The following EXOC4 variants were observed in gnomAD, a reference collection of about 807,000 sequenced individuals.
EXOC4 encodes SEC8-like 1.
EXOC4 carries 71 observed loss-of-function variants against 107.2 expected under a neutral mutation model. That is an observed-to-expected ratio of 0.66 (90% CI 0.55 to 0.81). The LOEUF (loss-of-function observed/expected upper bound fraction) is 0.81. Among genes scored for constraint, EXOC4 ranks in the 30% least tolerant of loss-of-function variants. The pLI is 0.00. For synonymous variants in EXOC4, 456 were observed against 441.2 expected (o/e 1.03, Z -0.42); for missense variants, 1,108 against 1,189.6 (o/e 0.93, Z 1.01).
At chr7:133,417,911 T>C (rs935899254) in intron 7 of EXOC4, among the ~76,000 whole-genome samples, 3 of 152,202 alleles carry the variant, frequency 2.0e-5, no homozygotes, top group African/African-American at 7.2e-5. Flanking sequence ...TTTTAACCCT[T>C]GGCATCAATC....
At chr7:133,857,482 A>AT (rs1333358851) in intron 11 of EXOC4, among the ~76,000 whole-genome samples, 1 of 74,228 alleles carries the variant, frequency 1.3e-5, no homozygotes, top group Non-Finnish European at 2.6e-5. Context: ...AGTTTCACTC[A>AT]TGCCCGTTGG....
At chr7:133,844,578 C>T (rs143951192) in intron 11 of EXOC4, among the ~76,000 whole-genome samples, 1,800 of 151,624 alleles carry the variant, frequency 0.012, 38 homozygotes, top group African/African-American at 0.04. Context: ...TTAGTAGAGA[C>T]GTGGTTTCAC....
intron 9 of EXOC4, among the ~76,000 whole-genome samples, chr7:133,488,657 A>T (rs1206372764): frequency 6.6e-6 from 1 of 152,168 alleles, no homozygotes; most frequent in Non-Finnish European, 1.5e-5. Context: ...ATAGGTTGAT[A>T]ACTCAAATGT....
chr7:133,285,260 A>G (rs1265131435), intron 2 of EXOC4, among the ~76,000 whole-genome samples: 1 of 152,176 alleles, frequency 6.6e-6, no homozygotes, highest in African/African-American at 2.4e-5. Flanking sequence ...CTGATTGGAT[A>G]GTCCTGTTGC....
At chr7:133,965,823 C>T (rs1016402079) in intron 14 of EXOC4, among the ~76,000 whole-genome samples, 4 of 152,122 alleles carry the variant, frequency 2.6e-5, no homozygotes, top group African/African-American at 9.7e-5. Context: ...TTTTTGGTTG[C>T]ATATGAAATT....
At chr7:133,918,747 C>G (rs1799870042) in intron 13 of EXOC4, among the ~76,000 whole-genome samples, 1 of 151,978 alleles carries the variant, frequency 6.6e-6, no homozygotes, top group African/African-American at 2.4e-5. Context: ...ACTTATAGAG[C>G]TGTGTAAAGT....
At chr7:133,576,481 G>A (rs763444529) in intron 9 of EXOC4, 18 of 1,280,140 alleles carry the variant, frequency 1.4e-5, no homozygotes, top group South Asian at 6.3e-5. Context: ...GGCATCTGTC[G>A]GTTGCATTTG....
chr7:133,664,568 G>T (rs1189977887), intron 10 of EXOC4, among the ~76,000 whole-genome samples: 1 of 152,096 alleles, frequency 6.6e-6, no homozygotes, highest in Non-Finnish European at 1.5e-5. Flanking sequence ...CCAAACAAGA[G>T]AAACACATAT....
rs867705401 is a variant in EXOC4, at chr7:133,407,799, G to A, written c.1182+32797G>A. On this transcript the variant is annotated intron_variant, in intron 7 of 17. Coordinates refer to ENST00000253861, the MANE Select transcript of EXOC4 (RefSeq NM_021807.4). ...TGGAATAAGCAAAATAAGAATTTAG[G>A]TAAGAATGGAGTTCTTGTTGAGCTC... is the stretch of plus-strand genomic sequence containing the variant. 1.6e-4 allele frequency among the ~76,000 whole-genome samples: 25 copies of A among 152,264 alleles called. No homozygotes were observed. In the Middle Eastern group the frequency reaches 0.01, roughly 62 times the overall value.
At chr7:133,446,720 C>T (rs1261042536) in intron 7 of EXOC4, among the ~76,000 whole-genome samples, 1 of 152,186 alleles carries the variant, frequency 6.6e-6, no homozygotes, top group Non-Finnish European at 1.5e-5. Context: ...TGATAATCCT[C>T]ATAGGTAATT....
the EXOC4 span, among the ~76,000 whole-genome samples, chr7:134,079,291 C>T: frequency 6.6e-6 from 1 of 152,202 alleles, no homozygotes; most frequent in Non-Finnish European, 1.5e-5. Context: ...TATGTTCTGT[C>T]AGCAGGATCA....
intron 10 of EXOC4, among the ~76,000 whole-genome samples, chr7:133,634,484 TG>T (rs1181843180): frequency 5.3e-5 from 8 of 152,100 alleles, no homozygotes; most frequent in Non-Finnish European, 1.5e-5. Context: ...TTTTTTTGTT[TG>T]TTTTTGTTTT....
chr7:134,055,934 A>G (rs1050644023), intron 17 of EXOC4, among the ~76,000 whole-genome samples: 1 of 152,208 alleles, frequency 6.6e-6, no homozygotes, highest in African/African-American at 2.4e-5. Context: ...CATTAGTAAT[A>G]ACATTAGGTT....
intron 5 of EXOC4, among the ~76,000 whole-genome samples, chr7:133,336,537 G>C (rs962153126): frequency 2.0e-5 from 3 of 151,950 alleles, no homozygotes; most frequent in Admixed American, 6.6e-5. Flanking sequence ...GCCAATCTGA[G>C]AAGTAAAAAA....
chr7:133,835,501 T>C (rs1336486255), intron 11 of EXOC4, among the ~76,000 whole-genome samples: 2 of 152,164 alleles, frequency 1.3e-5, no homozygotes, highest in Non-Finnish European at 2.9e-5. Flanking sequence ...GATTAGCCTT[T>C]CCAAAGGAGG....
At chr7:133,905,265 T>C (rs987656642) in intron 12 of EXOC4, among the ~76,000 whole-genome samples, 1 of 152,112 alleles carries the variant, frequency 6.6e-6, no homozygotes, top group Non-Finnish European at 1.5e-5. Flanking sequence ...GAAAAACATA[T>C]CACCTTTCTA....
At chr7:133,772,880 C>T (rs1477547918) in intron 10 of EXOC4, among the ~76,000 whole-genome samples, 2 of 152,032 alleles carry the variant, frequency 1.3e-5, no homozygotes, top group East Asian at 1.9e-4. Context: ...AGTGACATTA[C>T]CTGAGTAACT....
At chr7:133,924,591 A>G (rs976072640) in intron 13 of EXOC4, among the ~76,000 whole-genome samples, 2 of 152,240 alleles carry the variant, frequency 1.3e-5, no homozygotes, top group Non-Finnish European at 2.9e-5. Context: ...AACAAATTAA[A>G]TGTATATTTC....
intron 6 of EXOC4, among the ~76,000 whole-genome samples, chr7:133,369,897 C>T (rs375289453): frequency 2.8e-5 from 4 of 144,212 alleles, no homozygotes; most frequent in African/African-American, 5.3e-5. Context: ...CTTTGCCTGC[C>T]GGGTTCAAGC....
Sources: allele counts gnomAD v4.1 joint callset (sites outside exome capture counted in the v4.1 genomes callset), GRCh38; gene constraint gnomAD v4.1.1; transcripts MANE v1.5; gene names NCBI Gene and HGNC (gene_info 2026-07-23, HGNC 2026-07-21).